BTAF1: variants seen among roughly 807,000 people sequenced by gnomAD.
BTAF1 encodes the protein TATA-binding protein-associated factor 172.
A neutral mutation model predicts 227.1 loss-of-function variants in BTAF1; 38 were observed. That is an observed-to-expected ratio of 0.17 (90% CI 0.13 to 0.22). The LOEUF (loss-of-function observed/expected upper bound fraction) is 0.22, where lower values mean the gene tolerates loss of function less well. Among genes scored for constraint, BTAF1 ranks in the 10% least tolerant of loss-of-function variants. BTAF1 has a pLI of 1.00. For missense variants in BTAF1, 1,598 were observed against 2,204.0 expected, an observed-to-expected ratio of 0.73 and a Z score of 5.51; for synonymous variants, 742 against 751.9, an observed-to-expected ratio of 0.99 and a Z score of 0.21.
intron 22 of BTAF1, among the ~76,000 whole-genome samples, chr10:91,994,223 C>A (rs1282564137): frequency 6.6e-6 from 1 of 151,956 alleles, no homozygotes; most frequent in Non-Finnish European, 1.5e-5. Flanking sequence ...TTGCTTGAAC[C>A]CTGGGGGTGG....
rs1157787906 is a variant in BTAF1, at chr10:91,991,283, T to TATATATATATATATATATAAATAC, written c.2855-827_2855-826insTATATATATAAATACATATATATA. Among the ~76,000 whole-genome samples, 50 of 124,880 alleles carry TATATATATATATATATATAAATAC rather than the reference T, an allele frequency of 4.0e-4. 1 individual carries two copies. Among genetic ancestry groups the TATATATATATATATATATAAATAC allele is most frequent in the Middle Eastern group, 4.2e-3 (1 of 240 alleles). The allele number at this position is 124,880 out of a possible 152,430, so 81.9% of individuals were successfully genotyped here. Reference sequence around the variant, plus strand: ...AAATATAAATATAAATATATATATATATATATATAAATTATCCGGACGTGG... The same window carrying TATATATATATATATATATAAATAC: ...AAATATAAATATAAATATATATATATATATATATATATATATATAAATACATATATATAAATTATCCGGACGTGG... On this transcript the variant is annotated intron_variant, in intron 20 of 37. Transcript: ENST00000265990.
At chr10:92,026,863 A>G in intron 36 of BTAF1, 112 bp downstream of exon 36, 2 of 1,205,354 alleles carry the variant, frequency 1.7e-6, no homozygotes, top group South Asian at 1.5e-5. Flanking sequence ...TACATGTGTT[A>G]TGACCTTGGA....
chr10:91,937,474 C>T (rs1844705401), intron 2 of BTAF1, among the ~76,000 whole-genome samples: 1 of 152,176 alleles, frequency 6.6e-6, no homozygotes, highest in Middle Eastern at 3.2e-3. Flanking sequence ...TACTCCTTCA[C>T]TCATGCCCAG....
Position 92,011,123 on chromosome 10 carries a change from T to G in BTAF1, c.4154T>G (p.Val1385Gly). ...AATCTAATAGTGGCTTCATATGATG[T>G]TGTGAGGAATGACATAGATTTCTTT... ...RHNLIVASYD[V>G]VRNDIDFFRN... Residue 1385 changes from valine (V) to glycine (G), a missense_variant, in exon 29 of 38, where the codon GTT becomes GGT. By Grantham distance (109) the Val-to-Gly change is moderately radical. Around this residue, in one of 10 missense-constraint regions of BTAF1, gnomAD observed 184 missense variants for 341.1 expected, o/e 0.54. Coordinates refer to ENST00000265990, the MANE Select transcript of BTAF1 (RefSeq NM_003972.3). The G allele has an allele frequency of 1.2e-6, 2 of 1,604,438 alleles. No homozygotes were observed.
At chr10:91,985,826 G>A (rs568071243) in intron 19 of BTAF1, among the ~76,000 whole-genome samples, 1 of 152,180 alleles carries the variant, frequency 6.6e-6, no homozygotes, top group East Asian at 1.9e-4. Context: ...TTGTTATTGA[G>A]TTGTGGGAGT....
At chr10:91,971,635 C>G (rs750739216) in intron 14 of BTAF1, among the ~76,000 whole-genome samples, 1 of 151,944 alleles carries the variant, frequency 6.6e-6, no homozygotes, top group African/African-American at 2.4e-5. Context: ...CCACGCCTGA[C>G]TAATTTTTGT....
At chr10:91,967,395 C>T (rs551026283) in intron 14 of BTAF1, among the ~76,000 whole-genome samples, 44 of 152,192 alleles carry the variant, frequency 2.9e-4, no homozygotes, top group African/African-American at 1.1e-3. Context: ...AACAAAGTAC[C>T]TAGATTTAGG....
chr10:91,972,529 T>C (rs11812701), intron 14 of BTAF1, among the ~76,000 whole-genome samples: 21,217 of 152,290 alleles, frequency 0.14, 1,598 homozygotes, highest in Middle Eastern at 0.2. Context: ...GTCGTCATTA[T>C]GCAATGAAAA....
intron 14 of BTAF1, among the ~76,000 whole-genome samples, chr10:91,972,921 A>G (rs557688632): frequency 3.4e-4 from 52 of 152,372 alleles, no homozygotes; most frequent in African/African-American, 1.2e-3. Context: ...GAGATATTAT[A>G]TAATATACAC....
chr10:92,011,274 A>T lies in BTAF1; in HGVS notation c.4182-12A>T, dbSNP rs752121911. 3 of 1,514,176 alleles carry T rather than the reference A, an allele frequency of 2.0e-6. No individual in the cohort carries two copies. In the South Asian group the frequency reaches 3.8e-5, roughly 19 times the overall value. 93.8% of individuals were successfully genotyped at this position (1,514,176 alleles called of 1,614,324 possible). A position where few individuals can be genotyped will look rare whatever the true frequency, so the allele number is the denominator to read the frequency against. The stretch of plus-strand genomic sequence containing the variant: ...GCAAAAGTTGTAAAATTTTCTATTT[A>T]TTCTCCCTTAGAAATATTAAATTTA... On this transcript the variant is annotated splice_polypyrimidine_tract_variant and intron_variant, in intron 29 of 37. Coordinates refer to ENST00000265990, the MANE Select transcript of BTAF1 (RefSeq NM_003972.3).
In BTAF1 at chr10:91,944,901, T is replaced by C. The variant is rs192527507; in HGVS notation, c.400+2333T>C. 2.1e-3 allele frequency among the ~76,000 whole-genome samples: 314 copies of C among 152,352 alleles called. 2 individuals carry two copies. The highest frequency in any genetic ancestry group is 4.2e-3 in the East Asian group (22 of 5,192). On this transcript the variant is annotated intron_variant, in intron 4 of 37. Transcript: ENST00000265990. The stretch of plus-strand genomic sequence containing the variant: ...TATATTACTGTATTTTTACTGTACC[T>C]TTTCTATGTTTAGATATATGAATAC...
In BTAF1 at chr10:91,954,026, A is replaced by G. The variant is rs550990898; in HGVS notation, c.701+153A>G. The stretch of plus-strand genomic sequence containing the variant: ...TCAATTGTCAGAGAGTATTCATTGT[A>G]CTAGGAACTGAGACCACTTCCCCAG... On this transcript the variant is annotated intron_variant, in intron 6 of 37. Coordinates refer to ENST00000265990, the MANE Select transcript of BTAF1 (RefSeq NM_003972.3). Among the ~76,000 whole-genome samples the G allele has an allele frequency of 3.9e-5, 6 of 152,338 alleles. No homozygotes were observed. In the East Asian group the frequency reaches 1.2e-3, roughly 29 times the overall value.
intron 25 of BTAF1, among the ~76,000 whole-genome samples, chr10:91,998,628 A>G (rs545143838): frequency 6.6e-6 from 1 of 152,388 alleles, no homozygotes; most frequent in African/African-American, 2.4e-5. Context: ...ATGGCATGTC[A>G]TCCATGTTGT....
Position 92,014,044 on chromosome 10 carries a change from G to T in BTAF1, c.4584+15G>T. ...GTCCTCTCCAGGTTAGGAATCTCGT[G>T]TTTATCATTGTTAGTGGTATGTTTA... On this transcript the variant is annotated intron_variant, in intron 32 of 37. Coordinates refer to ENST00000265990, the MANE Select transcript of BTAF1 (RefSeq NM_003972.3). 1 of 1,600,282 alleles carries T rather than the reference G, an allele frequency of 6.2e-7. No homozygotes were observed.
intron 2 of BTAF1, among the ~76,000 whole-genome samples, chr10:91,936,929 G>A (rs1263631089): frequency 6.6e-6 from 1 of 152,018 alleles, no homozygotes; most frequent in Admixed American, 6.6e-5. Context: ...CCAAAGAGGC[G>A]AAGTTTGCCT....
At chr10:91,962,332 T>C (rs1846584320) in intron 11 of BTAF1, among the ~76,000 whole-genome samples, 1 of 152,214 alleles carries the variant, frequency 6.6e-6, no homozygotes, top group Non-Finnish European at 1.5e-5. Flanking sequence ...TAGGCTATAC[T>C]GTTTAGGTTT....
At chr10:92,019,284 CT>C (rs1286320303) in intron 34 of BTAF1, among the ~76,000 whole-genome samples, 1 of 152,204 alleles carries the variant, frequency 6.6e-6, no homozygotes, top group Non-Finnish European at 1.5e-5. Flanking sequence ...CTCTAATCTA[CT>C]TTCTCTATGA....
At chr10:91,936,564 A>G (rs1446781980) in intron 2 of BTAF1, among the ~76,000 whole-genome samples, 2 of 152,152 alleles carry the variant, frequency 1.3e-5, no homozygotes, top group African/African-American at 4.8e-5. Context: ...TGTGGTTGCT[A>G]CCACAAGGAC....
intron 35 of BTAF1, 37 bp downstream of exon 35, chr10:92,025,004 A>G (rs568058408): frequency 8.4e-5 from 129 of 1,540,214 alleles, no homozygotes; most frequent in Non-Finnish European, 1.1e-4. Context: ...ATAAATAAAT[A>G]TATTATTACT....
Sources: gnomAD v4.1 joint callset for allele counts (sites outside exome capture counted in the v4.1 genomes callset) on GRCh38, gnomAD v4.1.1 for gene constraint, gnomAD v4.1.1 regional missense constraint, MANE v1.5 for transcripts, NCBI Gene and HGNC (gene_info 2026-07-23, HGNC 2026-07-21) for gene names.